RAB3IP: variants seen among roughly 807,000 people sequenced by gnomAD.
RAB3IP encodes RAB3A interacting protein.
Under a neutral mutation model 59.1 loss-of-function variants are expected in RAB3IP, and 36 were observed. The observed-to-expected ratio is 0.61, with a 90% CI of 0.47 to 0.80. RAB3IP has a LOEUF of 0.80. Among genes scored for constraint, RAB3IP ranks in the 30% least tolerant of loss-of-function variants. The pLI, the probability that RAB3IP is intolerant of heterozygous loss-of-function variation, is 0.00. For missense variants in RAB3IP, 511 were observed against 536.0 expected, an observed-to-expected ratio of 0.95 and a Z score of 0.46; for synonymous variants, 207 against 191.2, an observed-to-expected ratio of 1.08 and a Z score of -0.68.
intron 6 of RAB3IP, among the ~76,000 whole-genome samples, chr12:69,799,524 G>A (rs1332185390): frequency 6.6e-6 from 1 of 152,150 alleles, no homozygotes; most frequent in Non-Finnish European, 1.5e-5. Flanking sequence ...TATTATTGAT[G>A]CCTAAGATGG....
intron 8 of RAB3IP, among the ~76,000 whole-genome samples, chr12:69,810,611 A>G (rs1880288922): frequency 1.3e-5 from 2 of 152,020 alleles, no homozygotes; most frequent in African/African-American, 4.8e-5. Context: ...GAAACAAATC[A>G]AAGTGCGTTC....
chr12:69,756,579 G>T lies in RAB3IP; in HGVS notation c.426G>T (p.Leu142=). 1 of 1,614,104 alleles carries T rather than the reference G, an allele frequency of 6.2e-7. No homozygotes were observed. The highest frequency in any genetic ancestry group is 8.5e-7 in the Non-Finnish European group (1 of 1,179,962). ...DDIFGLSTDS[L]SRLRSPSVLE... ...TTTTTGGGTTGAGTACTGATAGTCT[G>T]TCTCGTTTACGAAGCCCATCTGTTT... The change falls in exon 3 of 11, where the codon CTG becomes CTT. Residue 142 remains leucine (L), a synonymous_variant. Transcript: ENST00000247833.
chr12:69,746,376 A>G (rs1868349875), intron 1 of RAB3IP, among the ~76,000 whole-genome samples: 2 of 152,172 alleles, frequency 1.3e-5, no homozygotes, highest in African/African-American at 4.8e-5. Context: ...CCAGACCCTT[A>G]TTCCCTGACT....
rs1312283558 is a variant in RAB3IP, at chr12:69,823,070, A to T, written c.*7624A>T. On this transcript the variant is annotated 3_prime_UTR_variant, in exon 11 of 11. Transcript: ENST00000247833. ...CATAAAGAAATGATAAGTGTTTGAG[A>T]TGATGGATATGCTAATTACCCTGAT... 6.6e-6 allele frequency: 1 copy of T among 152,166 alleles called. No individual in the cohort carries two copies. Among genetic ancestry groups the T allele is most frequent in the Non-Finnish European group, 1.5e-5 (1 of 68,020 alleles). The allele number at this position is 152,166 out of a possible 1,614,324, so 9.4% of individuals were successfully genotyped here.
At chr12:69,785,206 A>G (rs1166651734) in intron 4 of RAB3IP, among the ~76,000 whole-genome samples, 2 of 152,236 alleles carry the variant, frequency 1.3e-5, no homozygotes, top group Admixed American at 6.5e-5. Context: ...AGGCACATCT[A>G]CTTGTAAGAA....
rs750564839 is a variant in RAB3IP at position 69,739,900 on chromosome 12, T to TA, written c.-26+870dup. ...GTCTTGAAAGACACGAGCGCTGAGTTAGTTAGTACTGATTACTGAGAGGCA... is the reference window on the plus strand; with the variant it reads ...GTCTTGAAAGACACGAGCGCTGAGTTAAGTTAGTACTGATTACTGAGAGGCA... On this transcript the variant is annotated intron_variant, in intron 1 of 10. Transcript: ENST00000247833. 21 of 1,559,638 alleles carry TA rather than the reference T, an allele frequency of 1.3e-5. No homozygotes were observed. The South Asian group carries it at 1.8e-4, about 13-fold the overall frequency.
intron 8 of RAB3IP, among the ~76,000 whole-genome samples, chr12:69,802,830 T>G (rs898607107): frequency 6.6e-6 from 1 of 152,232 alleles, no homozygotes; most frequent in African/African-American, 2.4e-5. Context: ...GACCATTTGT[T>G]GGAGGGTTCC....
chr12:69,800,384 ACTT>A (rs1878189947), intron 7 of RAB3IP, 47 bp downstream of exon 7: 2 of 1,195,448 alleles, frequency 1.7e-6, no homozygotes, highest in Non-Finnish European at 2.3e-6. Flanking sequence ...TTGTTTCTGT[ACTT>A]CTTTTAAACT....
chr12:69,752,052 G>A (rs1186864951), intron 1 of RAB3IP, among the ~76,000 whole-genome samples: 4 of 142,064 alleles, frequency 2.8e-5, no homozygotes, highest in Non-Finnish European at 4.5e-5. Context: ...CACCCAGGCT[G>A]GAGTGCAGTG....
In RAB3IP at chr12:69,818,777, CTT is replaced by C. The variant is rs1337936563; in HGVS notation, c.*3334_*3335del. 2 of 152,156 alleles carry C rather than the reference CTT, an allele frequency of 1.3e-5. No individual in the cohort carries two copies. Among genetic ancestry groups the C allele is most frequent in the African/African-American group, 2.4e-5 (1 of 41,428 alleles). The allele number at this position is 152,156 out of a possible 1,614,324, so 9.4% of individuals were successfully genotyped here. A position where few individuals can be genotyped will look rare whatever the true frequency, so the allele number is the denominator to read the frequency against. On this transcript the variant is annotated 3_prime_UTR_variant, in exon 11 of 11. Coordinates refer to ENST00000247833, the MANE Select transcript of RAB3IP (RefSeq NM_022456.5). The stretch of plus-strand genomic sequence containing the variant: ...TTAGGCATTGACATATGTGACAAAA[CTT>C]TTAAAAAGTAATAAAGTTCAAGATA...
rs34028619 is a variant in RAB3IP at position 69,820,553 on chromosome 12, G to GAAAAAAAAAA, written c.*5119_*5128dup. On this transcript the variant is annotated 3_prime_UTR_variant, in exon 11 of 11. Transcript: ENST00000247833. ...TTTGAGTGGCTTCCCATTGCACTTA[G>GAAAAAAAAAA]AAAAAAAAAAAAAAAAAAAAACTGG... 1 of 99,422 alleles carries GAAAAAAAAAA rather than the reference G, an allele frequency of 1.0e-5. No individual in the cohort carries two copies. Among genetic ancestry groups the GAAAAAAAAAA allele is most frequent in the African/African-American group, 3.5e-5 (1 of 28,700 alleles). The allele number at this position is 99,422 out of a possible 1,614,324, so 6.2% of individuals were successfully genotyped here.
At chr12:69,760,658 T>TTTTG (rs1871165698) in intron 3 of RAB3IP, among the ~76,000 whole-genome samples, 4 of 152,236 alleles carry the variant, frequency 2.6e-5, no homozygotes, top group African/African-American at 9.6e-5. Context: ...TTTTGAAAGA[T>TTTTG]ATTTTCACTG....
At chr12:69,790,394 G>A (rs1046329466) in intron 4 of RAB3IP, among the ~76,000 whole-genome samples, 26 of 152,046 alleles carry the variant, frequency 1.7e-4, no homozygotes, top group Admixed American at 6.5e-5. Context: ...TTATAATACA[G>A]TTAATGAAGG....
chr12:69,771,100 A>G (rs1013125268), intron 3 of RAB3IP, among the ~76,000 whole-genome samples: 3 of 152,244 alleles, frequency 2.0e-5, no homozygotes, highest in African/African-American at 4.8e-5. Flanking sequence ...GAGTGAGATC[A>G]TGCAATATTT....
At chr12:69,801,338 A>T (rs1878341294) in intron 7 of RAB3IP, among the ~76,000 whole-genome samples, 1 of 152,208 alleles carries the variant, frequency 6.6e-6, no homozygotes, top group Non-Finnish European at 1.5e-5. Context: ...AATCGTGGGT[A>T]AGGAGTGAAC....
rs1180961863 is a variant in RAB3IP, at chr12:69,795,189, T to C, written c.733T>C (p.Ser245Pro). 5 of 1,613,962 alleles carry C rather than the reference T, an allele frequency of 3.1e-6. No individual in the cohort carries two copies. Among genetic ancestry groups the C allele is most frequent in the Non-Finnish European group, 4.2e-6 (5 of 1,179,976 alleles). Residue 245 changes from serine to proline, a missense_variant, in exon 6 of 11, where the codon TCC becomes CCC. Physicochemically the swap from Ser to Pro is moderately conservative, Grantham distance 74 (BLOSUM62 -1). Coordinates refer to ENST00000247833, the MANE Select transcript of RAB3IP (RefSeq NM_022456.5). ...AGCTGCATTGAAGACACTTGTATTGTCCAGTTCTCCAACATCACCTACGCA... is the reference window on the plus strand; with the variant it reads ...AGCTGCATTGAAGACACTTGTATTGCCCAGTTCTCCAACATCACCTACGCA... Reference protein sequence around the residue: ...EVAALKTLVLSSSPTSPTQEP... With the variant: ...EVAALKTLVLPSSPTSPTQEP...
intron 3 of RAB3IP, among the ~76,000 whole-genome samples, chr12:69,782,717 C>CT (rs1874945473): frequency 6.6e-6 from 1 of 152,134 alleles, no homozygotes; most frequent in Non-Finnish European, 1.5e-5. Flanking sequence ...TTCTCATTCT[C>CT]TTGATATTCC....
At chr12:69,796,431 A>G (rs1037143769) in intron 6 of RAB3IP, 5 of 389,314 alleles carry the variant, frequency 1.3e-5, no homozygotes, top group Admixed American at 4.5e-5. Context: ...ATGCATTTCT[A>G]AGAGGATTGA....
intron 3 of RAB3IP, among the ~76,000 whole-genome samples, chr12:69,762,756 CAAAAAAA>C (rs11445702): frequency 4.6e-4 from 35 of 76,764 alleles, no homozygotes; most frequent in Middle Eastern, 0.011. Context: ...GACTCCGTCT[CAAAAAAA>C]AAAAAAAAAA....
Sources: allele counts gnomAD v4.1 joint callset (sites outside exome capture counted in the v4.1 genomes callset), GRCh38; gene constraint gnomAD v4.1.1; transcripts MANE v1.5; gene names NCBI Gene and HGNC (gene_info 2026-07-23, HGNC 2026-07-21).